PCDH11X: variants seen among roughly 807,000 people sequenced by gnomAD.
PCDH11X encodes protocadherin 11 X-linked.
Under a neutral mutation model 53.3 loss-of-function variants are expected in PCDH11X, and 18 were observed. That is an observed-to-expected ratio of 0.34 (90% CI 0.23 to 0.50). The LOEUF is 0.50. Among genes scored for constraint, PCDH11X ranks in the 20% least tolerant of loss-of-function variants. PCDH11X has a pLI of 0.98. For synonymous variants in PCDH11X, 279 were observed against 393.3 expected (o/e 0.71, Z 3.44); for missense variants, 570 against 1,032.4 (o/e 0.55, Z 6.14).
intron 7 of PCDH11X, among the ~76,000 whole-genome samples, chrX:92,241,804 G>T (rs1164941095): frequency 2.7e-5 from 3 of 111,721 alleles, no homozygotes; most frequent in Non-Finnish European, 5.6e-5. Context: ...AGATTGGCAT[G>T]ATGTTTTAAG....
intron 6 of PCDH11X, among the ~76,000 whole-genome samples, chrX:92,041,653 T>C (rs1229037456): frequency 3.6e-5 from 4 of 112,220 alleles, no homozygotes; most frequent in African/African-American, 1.3e-4. Flanking sequence ...AATTAATGAG[T>C]ACCACACAAA....
chrX:92,540,328 T>G (rs755152253), intron 10 of PCDH11X, among the ~76,000 whole-genome samples: 1 of 109,398 alleles, frequency 9.1e-6, no homozygotes, highest in Admixed American at 9.9e-5. Flanking sequence ...AACCCCTCCC[T>G]GTGGCTACTA....
At chrX:92,575,383 T>A (rs1922709782) in intron 10 of PCDH11X, among the ~76,000 whole-genome samples, 1 of 110,123 alleles carries the variant, frequency 9.1e-6, no homozygotes, top group Admixed American at 9.8e-5. Flanking sequence ...ATGGTGAAAA[T>A]TTACTAATTT....
chrX:92,087,614 T>C (rs184769872), intron 6 of PCDH11X, among the ~76,000 whole-genome samples: 2,147 of 111,477 alleles, frequency 0.019, 55 homozygotes, highest in African/African-American at 0.066. Flanking sequence ...GTGACCATTG[T>C]CTGTGTCCAG....
At chrX:91,930,681 C>T (rs1273862395) in intron 6 of PCDH11X, among the ~76,000 whole-genome samples, 1 of 105,167 alleles carries the variant, frequency 9.5e-6, no homozygotes, top group Non-Finnish European at 2.0e-5. Context: ...AGCTGGTAGC[C>T]CTGTCACAAG....
At chrX:92,107,735 C>A (rs35239742) in intron 6 of PCDH11X, among the ~76,000 whole-genome samples, 3 of 111,805 alleles carry the variant, frequency 2.7e-5, no homozygotes, top group Non-Finnish European at 3.8e-5. Flanking sequence ...TGATTGATGT[C>A]TCATACTTCC....
intron 8 of PCDH11X, among the ~76,000 whole-genome samples, chrX:92,306,638 TAA>T (rs1185054790): frequency 1.0e-5 from 1 of 95,931 alleles, no homozygotes; most frequent in Non-Finnish European, 2.1e-5. Flanking sequence ...TAATAATAAT[TAA>T]AAAAAAAAAA....
intron 10 of PCDH11X, among the ~76,000 whole-genome samples, chrX:92,543,174 C>A (rs1602294750): frequency 9.8e-6 from 1 of 102,365 alleles, no homozygotes; most frequent in East Asian, 3.1e-4. Flanking sequence ...CAGGACACTG[C>A]ATTTCTTAAT....
intron 7 of PCDH11X, among the ~76,000 whole-genome samples, chrX:92,211,915 C>A (rs2066593740): frequency 9.1e-6 from 1 of 109,516 alleles, no homozygotes; most frequent in South Asian, 3.8e-4. Flanking sequence ...CTAGACTATG[C>A]ATAATTGATT....
chrX:91,953,951 A>AT (rs996883480), intron 6 of PCDH11X, among the ~76,000 whole-genome samples: 3 of 109,372 alleles, frequency 2.7e-5, no homozygotes, highest in South Asian at 4.0e-4. Flanking sequence ...CTTAGCATGT[A>AT]TTTTTTTTTC....
intron 6 of PCDH11X, among the ~76,000 whole-genome samples, chrX:91,886,137 C>A (rs1379111203): frequency 8.9e-6 from 1 of 111,783 alleles, no homozygotes; most frequent in African/African-American, 3.2e-5. Flanking sequence ...TTGACCTGGT[C>A]GCATCTTTAA....
intron 8 of PCDH11X, among the ~76,000 whole-genome samples, chrX:92,278,453 G>A (rs999392312): frequency 4.5e-5 from 5 of 111,284 alleles, no homozygotes; most frequent in East Asian, 5.7e-4. Context: ...GGCTGAGTCC[G>A]AAAAGAGAGT....
At chrX:91,951,012 C>T (rs1025423909) in intron 6 of PCDH11X, among the ~76,000 whole-genome samples, 9 of 111,066 alleles carry the variant, frequency 8.1e-5, no homozygotes, top group Non-Finnish European at 1.1e-4. Flanking sequence ...GAGAACTAGA[C>T]ATTTTTGTAG....
At chrX:92,556,267 C>G (rs1238170469) in intron 10 of PCDH11X, among the ~76,000 whole-genome samples, 1 of 110,943 alleles carries the variant, frequency 9.0e-6, no homozygotes, top group Non-Finnish European at 1.9e-5. Flanking sequence ...TCCAACAGTC[C>G]CCCAGAGTTT....
At chrX:92,399,379 T>C (rs1265340437) in intron 9 of PCDH11X, among the ~76,000 whole-genome samples, 1 of 109,952 alleles carries the variant, frequency 9.1e-6, no homozygotes, top group African/African-American at 3.3e-5. Flanking sequence ...GGCTACACTT[T>C]GGGTAGCAAA....
intron 5 of PCDH11X, among the ~76,000 whole-genome samples, chrX:91,860,580 T>A (rs893919155): frequency 8.9e-6 from 1 of 112,060 alleles, no homozygotes; most frequent in Non-Finnish European, 1.9e-5. Flanking sequence ...GCCCATTCAA[T>A]ATGATATTGG....
At chrX:92,214,479 A>G (rs1210715221) in intron 7 of PCDH11X, among the ~76,000 whole-genome samples, 1 of 111,841 alleles carries the variant, frequency 8.9e-6, no homozygotes, top group African/African-American at 3.3e-5. Context: ...ATTTGTTTCC[A>G]CATCTGTAAC....
chrX:92,425,022 A>G (rs779710115), intron 9 of PCDH11X, among the ~76,000 whole-genome samples: 3 of 96,576 alleles, frequency 3.1e-5, no homozygotes, highest in African/African-American at 1.0e-4. Flanking sequence ...GGTATCTGTG[A>G]GGGAAGTGTA....
At chrX:91,855,578 T>G (rs987965830) in intron 5 of PCDH11X, among the ~76,000 whole-genome samples, 13 of 109,373 alleles carry the variant, frequency 1.2e-4, no homozygotes, top group Non-Finnish European at 2.5e-4. Flanking sequence ...AACCTGTAGA[T>G]TGCTTTAGGT....
Sources: gnomAD v4.1 joint callset for allele counts (sites outside exome capture counted in the v4.1 genomes callset) on GRCh38, gnomAD v4.1.1 for gene constraint, MANE v1.5 for transcripts, NCBI Gene and HGNC (gene_info 2026-07-23, HGNC 2026-07-21) for gene names.